CFAP299: variants seen among roughly 807,000 people sequenced by gnomAD.
CFAP299 encodes the protein cilia and flagella associated protein 299.
In CFAP299, 21 loss-of-function variants were observed where a neutral mutation model predicts 27.0. The observed-to-expected ratio is 0.78, with a 90% CI of 0.55 to 1.12. The LOEUF is 1.12. Ranked by LOEUF, CFAP299 falls within the 50% of genes most tolerant of loss-of-function variation. CFAP299 has a pLI of 0.00. For missense variants in CFAP299, 310 were observed against 276.6 expected, an observed-to-expected ratio of 1.12 and a Z score of -0.86; for synonymous variants, 104 against 98.1, an observed-to-expected ratio of 1.06 and a Z score of -0.36.
At chr4:80,674,841 C>T (rs1719324464) in intron 3 of CFAP299, among the ~76,000 whole-genome samples, 2 of 152,150 alleles carry the variant, frequency 1.3e-5, no homozygotes, top group South Asian at 2.1e-4. Flanking sequence ...GCATGCATCA[C>T]GTAGTTCTCT....
chr4:80,822,966 G>A (rs948573427), intron 3 of CFAP299, among the ~76,000 whole-genome samples: 7 of 151,976 alleles, frequency 4.6e-5, no homozygotes, highest in Admixed American at 2.0e-4. Flanking sequence ...AACCACTTAC[G>A]TGAAGTTTTA....
At chr4:80,368,382 A>G (rs1314353454) in intron 2 of CFAP299, among the ~76,000 whole-genome samples, 2 of 152,204 alleles carry the variant, frequency 1.3e-5, no homozygotes, top group Admixed American at 6.5e-5. Flanking sequence ...AAAACTGGAT[A>G]AATCTCCAGC....
At chr4:80,879,223 A>G (rs760117285) in intron 4 of CFAP299, among the ~76,000 whole-genome samples, 1 of 152,154 alleles carries the variant, frequency 6.6e-6, no homozygotes, top group Non-Finnish European at 1.5e-5. Flanking sequence ...AGTATATTTC[A>G]GGAAGAATTT....
At chr4:80,800,227 A>G (rs1189578876) in intron 3 of CFAP299, among the ~76,000 whole-genome samples, 3 of 75,280 alleles carry the variant, frequency 4.0e-5, no homozygotes, top group African/African-American at 5.5e-5. Flanking sequence ...ATTATAATAT[A>G]TAATAAATAA....
chr4:80,793,368 G>A (rs1162589291), intron 3 of CFAP299, among the ~76,000 whole-genome samples: 2 of 151,894 alleles, frequency 1.3e-5, no homozygotes. Context: ...CTGATTAGAT[G>A]GTGCCCACCC....
chr4:80,549,857 AAC>A (rs1235925671), intron 2 of CFAP299, among the ~76,000 whole-genome samples: 6 of 152,188 alleles, frequency 3.9e-5, no homozygotes, highest in South Asian at 2.1e-4. Context: ...ACATACATTA[AAC>A]ACAGTTTATT....
chr4:80,878,460 A>G (rs1466907202), intron 4 of CFAP299, among the ~76,000 whole-genome samples: 1 of 152,114 alleles, frequency 6.6e-6, no homozygotes, highest in Non-Finnish European at 1.5e-5. Context: ...ACCTAATGTC[A>G]AGTTGTCTCA....
At chr4:80,442,303 G>A (rs1436671203) in intron 2 of CFAP299, among the ~76,000 whole-genome samples, 2 of 152,104 alleles carry the variant, frequency 1.3e-5, no homozygotes, top group East Asian at 1.9e-4. Context: ...CACATAATTA[G>A]AAGTAAAACA....
At chr4:80,370,102 G>A (rs1366343218) in intron 2 of CFAP299, among the ~76,000 whole-genome samples, 2 of 152,148 alleles carry the variant, frequency 1.3e-5, no homozygotes, top group Non-Finnish European at 2.9e-5. Context: ...TACAATTATG[G>A]CAGAGGGTGA....
intron 1 of CFAP299, among the ~76,000 whole-genome samples, chr4:80,343,156 G>C (rs1722538702): frequency 6.6e-6 from 1 of 152,092 alleles, no homozygotes; most frequent in African/African-American, 2.4e-5. Flanking sequence ...CCTAATACAG[G>C]AGCACCCAGA....
chr4:80,644,785 C>T (rs569434201), intron 3 of CFAP299, among the ~76,000 whole-genome samples: 1 of 152,142 alleles, frequency 6.6e-6, no homozygotes, highest in Non-Finnish European at 1.5e-5. Flanking sequence ...TGACTCCAAA[C>T]CCACTGCCTG....
At chr4:80,666,816 A>C (rs1051423861) in intron 3 of CFAP299, among the ~76,000 whole-genome samples, 1 of 152,222 alleles carries the variant, frequency 6.6e-6, no homozygotes. Flanking sequence ...GCTCCTGCCA[A>C]AACTTAATGG....
At chr4:80,537,765 G>T (rs1733812641) in intron 2 of CFAP299, among the ~76,000 whole-genome samples, 1 of 151,862 alleles carries the variant, frequency 6.6e-6, no homozygotes, top group Non-Finnish European at 1.5e-5. Flanking sequence ...GTATAGCATG[G>T]TGACTATAGT....
At chr4:80,426,385 T>G (rs1367314277) in intron 2 of CFAP299, among the ~76,000 whole-genome samples, 10 of 152,188 alleles carry the variant, frequency 6.6e-5, no homozygotes, top group Admixed American at 6.5e-4. Flanking sequence ...TATGGAGTTT[T>G]CTAAGAATTT....
chr4:80,953,532 T>C (rs1197945106), intron 5 of CFAP299, among the ~76,000 whole-genome samples: 3 of 152,180 alleles, frequency 2.0e-5, no homozygotes, highest in Admixed American at 2.0e-4. Flanking sequence ...TAAAATTATA[T>C]AACAGAGCTT....
intron 3 of CFAP299, among the ~76,000 whole-genome samples, chr4:80,814,508 T>A (rs1163621268): frequency 6.6e-6 from 1 of 151,934 alleles, no homozygotes; most frequent in Non-Finnish European, 1.5e-5. Context: ...TAGAAAAATA[T>A]GCAAGAAATC....
chr4:80,646,404 A>G (rs1285510996), intron 3 of CFAP299, among the ~76,000 whole-genome samples: 1 of 152,162 alleles, frequency 6.6e-6, no homozygotes, highest in Non-Finnish European at 1.5e-5. Flanking sequence ...TGATTGCTAG[A>G]GACATATTAC....
At chr4:80,587,366 G>A (rs1290270573) in intron 3 of CFAP299, among the ~76,000 whole-genome samples, 2 of 151,968 alleles carry the variant, frequency 1.3e-5, no homozygotes, top group Non-Finnish European at 2.9e-5. Context: ...TGATACAGAG[G>A]CAGTGAGAAG....
chr4:80,525,672 C>T lies in CFAP299; in HGVS notation c.243-57421C>T, dbSNP rs537025226. Among the ~76,000 whole-genome samples, 6 of 152,276 alleles carry T rather than the reference C, an allele frequency of 3.9e-5. No homozygotes were observed. In the East Asian group the frequency reaches 1.2e-3, roughly 29 times the overall value. On this transcript the variant is annotated intron_variant, in intron 2 of 5. Coordinates refer to ENST00000358105, the MANE Select transcript of CFAP299 (RefSeq NM_152770.3). ...CCCCGGTCTCGACCCTTGACTATCT[C>T]AGCGCCAGCCATCTCAGCTTCTTTC...
Sources: gnomAD v4.1 joint callset for allele counts (sites outside exome capture counted in the v4.1 genomes callset) on GRCh38, gnomAD v4.1.1 for gene constraint, MANE v1.5 for transcripts, NCBI Gene and HGNC (gene_info 2026-07-23, HGNC 2026-07-21) for gene names.